TMEM132B: variants seen among roughly 807,000 people sequenced by gnomAD.
The protein encoded by TMEM132B is transmembrane protein 132B.
In TMEM132B, 18 loss-of-function variants were observed where a neutral mutation model predicts 90.8. The observed-to-expected ratio is 0.20, with a 90% CI of 0.14 to 0.29. The LOEUF (loss-of-function observed/expected upper bound fraction) is 0.29, where lower values mean the gene tolerates loss of function less well. Ranked by LOEUF, TMEM132B falls within the 10% of genes least tolerant of loss-of-function variation. TMEM132B has a pLI of 1.00. For missense variants in TMEM132B, 1,096 were observed against 1,326.8 expected (o/e 0.83, Z 2.70); for synonymous variants, 504 against 523.3 (o/e 0.96, Z 0.50).
At chr12:125,365,717 G>T (rs541732411) in intron 2 of TMEM132B, among the ~76,000 whole-genome samples, 1 of 151,782 alleles carries the variant, frequency 6.6e-6, no homozygotes, top group African/African-American at 2.4e-5. Context: ...GCATTTTAAA[G>T]ATATTGTTCT....
At chr12:125,475,051 C>T (rs903571648) in intron 3 of TMEM132B, among the ~76,000 whole-genome samples, 10 of 152,032 alleles carry the variant, frequency 6.6e-5, no homozygotes, top group African/African-American at 2.4e-4. Context: ...GAAGTGGAGC[C>T]CTTAAGGAGA....
chr12:125,616,111 C>T (rs1164924207), intron 5 of TMEM132B, among the ~76,000 whole-genome samples: 2 of 128,246 alleles, frequency 1.6e-5, no homozygotes, highest in South Asian at 6.1e-4. Flanking sequence ...ACAATAGGCC[C>T]CAGTGTGTGA....
rs375468663 is a variant in TMEM132B at position 125,560,905 on chromosome 12, C to T, written c.1294-22946C>T. Reference sequence around the variant, plus strand: ...TGGAGAGGATGTGGAGAAATAGGAACGCTTTTGCACTGTTGGTGAGAGTGT... The same window carrying T: ...TGGAGAGGATGTGGAGAAATAGGAATGCTTTTGCACTGTTGGTGAGAGTGT... On this transcript the variant is annotated intron_variant, in intron 4 of 8. Coordinates refer to ENST00000682704, the MANE Select transcript of TMEM132B (RefSeq NM_001366854.1). Among the ~76,000 whole-genome samples the T allele has an allele frequency of 4.4e-3, 600 of 134,962 alleles. 4 individuals are homozygous for T. Among genetic ancestry groups the T allele is most frequent in the African/African-American group, 0.016 (557 of 35,198 alleles). The allele number at this position is 134,962 out of a possible 152,430, so 88.5% of individuals were successfully genotyped here.
intron 2 of TMEM132B, among the ~76,000 whole-genome samples, chr12:125,381,112 A>G (rs1351711812): frequency 6.6e-6 from 1 of 152,208 alleles, no homozygotes; most frequent in Non-Finnish European, 1.5e-5. Context: ...CCTTAGCCCC[A>G]TTCCAGCTCT....
chr12:125,598,714 C>T (rs1885502910), intron 5 of TMEM132B, among the ~76,000 whole-genome samples: 1 of 152,240 alleles, frequency 6.6e-6, no homozygotes, highest in African/African-American at 2.4e-5. Context: ...GCAAACCTTA[C>T]ATGATCCATT....
At chr12:125,218,769 G>GTTTTTTTTTTTTTT in intron 1 of TMEM132B, among the ~76,000 whole-genome samples, 1 of 108,854 alleles carries the variant, frequency 9.2e-6, no homozygotes. Context: ...TGTTGAAGCT[G>GTTTTTTTTTTTTTT]TTTTTTTTTT....
intron 5 of TMEM132B, among the ~76,000 whole-genome samples, chr12:125,602,195 A>G (rs1171046548): frequency 2.0e-5 from 3 of 152,242 alleles, no homozygotes; most frequent in African/African-American, 4.8e-5. Context: ...CCTGATGAAC[A>G]TCGATGTGAA....
At chr12:125,210,092 C>G (rs1170592954) in intron 1 of TMEM132B, among the ~76,000 whole-genome samples, 2 of 152,136 alleles carry the variant, frequency 1.3e-5, no homozygotes, top group Non-Finnish European at 2.9e-5. Context: ...AGATGAGAAG[C>G]TAGATAGGTC....
At position 125,654,677 on chromosome 12, in the gene TMEM132B, A is replaced by G; in HGVS notation, c.3219A>G (p.Arg1073=). 1 of 1,614,098 alleles carries G rather than the reference A, an allele frequency of 6.2e-7. No homozygotes were observed. Among genetic ancestry groups the G allele is most frequent in the African/African-American group, 1.3e-5 (1 of 75,050 alleles). Residue 1073 remains arginine (R), a synonymous_variant, in exon 9 of 9, where the codon AGA becomes AGG. Transcript: ENST00000682704. The surrounding 1 kb of genome is among the most constrained non-coding windows in gnomAD (Gnocchi z 5.8). ...GGCTGGGGGATTCACAGGACTTTAG[A>G]GACTATATGGAAAGTCTGCAAGACC... is the stretch of plus-strand genomic sequence containing the variant. ...DMGLGDSQDF[R]DYMESLQDQM is the part of the protein sequence containing the mutation.
chr12:125,595,882 T>C (rs930700154), intron 5 of TMEM132B, among the ~76,000 whole-genome samples: 2 of 151,764 alleles, frequency 1.3e-5, no homozygotes, highest in Non-Finnish European at 2.9e-5. Flanking sequence ...TTTTTTTTTT[T>C]TCTCCCTACT....
intron 1 of TMEM132B, among the ~76,000 whole-genome samples, chr12:125,297,402 G>T (rs1167663394): frequency 6.6e-6 from 1 of 152,230 alleles, no homozygotes; most frequent in African/African-American, 2.4e-5. Flanking sequence ...GGTGCCCTGT[G>T]TGGAGCGTCC....
rs990788274 is a variant in TMEM132B, at chr12:125,660,972, A to AT, written c.*6269dup. On this transcript the variant is annotated 3_prime_UTR_variant, in exon 9 of 9. Coordinates refer to ENST00000682704, the MANE Select transcript of TMEM132B (RefSeq NM_001366854.1). ...GGGATTTGGGGTCTATGTAATGCTG[A>AT]TTTTTTTCAAACCTGTTTGGAAATA... is the stretch of plus-strand genomic sequence containing the variant. 26 of 152,122 alleles carry AT rather than the reference A, an allele frequency of 1.7e-4. No individual in the cohort carries two copies. Among genetic ancestry groups the AT allele is most frequent in the Non-Finnish European group, 3.2e-4 (22 of 68,040 alleles). The allele number at this position is 152,122 out of a possible 1,614,324, so 9.4% of individuals were successfully genotyped here. A position where few individuals can be genotyped will look rare whatever the true frequency, so the allele number is the denominator to read the frequency against.
chr12:125,539,459 A>T (rs902263610), intron 4 of TMEM132B, among the ~76,000 whole-genome samples: 8 of 152,148 alleles, frequency 5.3e-5, no homozygotes, highest in Non-Finnish European at 1.2e-4. Flanking sequence ...ACCCGTTGTG[A>T]CACCCATCTG....
At chr12:125,206,978 C>T (rs67385590) in intron 1 of TMEM132B, among the ~76,000 whole-genome samples, 41,025 of 152,048 alleles carry the variant, frequency 0.27, 6,282 homozygotes, top group East Asian at 0.38. Flanking sequence ...GTAAGAGCCC[C>T]GCCTGTTTCT....
At chr12:125,583,154 G>T (rs898975699) in intron 4 of TMEM132B, among the ~76,000 whole-genome samples, 29 of 152,208 alleles carry the variant, frequency 1.9e-4, no homozygotes, top group Admixed American at 1.9e-3. Flanking sequence ...CTTGAGTAGG[G>T]AAGTTGGCAG....
chr12:125,560,435 T>C (rs1438211257), intron 4 of TMEM132B, among the ~76,000 whole-genome samples: 1 of 152,146 alleles, frequency 6.6e-6, no homozygotes, highest in South Asian at 2.1e-4. Context: ...AACAAACATA[T>C]GAAAGAAAGC....
intron 5 of TMEM132B, among the ~76,000 whole-genome samples, chr12:125,632,706 A>G (rs1373266060): frequency 6.6e-6 from 1 of 152,084 alleles, no homozygotes; most frequent in African/African-American, 2.4e-5. Flanking sequence ...AGCACTTTAA[A>G]TATGTCATGC....
At chr12:125,212,979 C>T (rs1269149003) in intron 1 of TMEM132B, among the ~76,000 whole-genome samples, 1 of 152,104 alleles carries the variant, frequency 6.6e-6, no homozygotes, top group Non-Finnish European at 1.5e-5. Flanking sequence ...AAGTCCGTGG[C>T]ATTTGGTACA....
At chr12:125,637,284 C>T (rs978153423) in intron 5 of TMEM132B, among the ~76,000 whole-genome samples, 13 of 152,118 alleles carry the variant, frequency 8.5e-5, no homozygotes, top group East Asian at 1.9e-4. Flanking sequence ...CAACATACAG[C>T]GGGGATCAGA....
Sources: gnomAD v4.1 joint callset for allele counts (sites outside exome capture counted in the v4.1 genomes callset) on GRCh38, gnomAD v4.1.1 for gene constraint, Gnocchi (gnomAD v3.1) non-coding constraint, MANE v1.5 for transcripts, NCBI Gene and HGNC (gene_info 2026-07-23, HGNC 2026-07-21) for gene names.